The following LY9 variants were observed in gnomAD, a reference collection of about 807,000 sequenced individuals.
LY9 encodes the protein lymphocyte antigen 9, also known as T-lymphocyte surface antigen Ly-9.
In LY9, 59 loss-of-function variants were observed where a neutral mutation model predicts 64.6. The observed-to-expected ratio is 0.91, with a 90% confidence interval of 0.74 to 1.13. The LOEUF is 1.13. LY9 is among the 50% of genes most tolerant of loss of function. The pLI, the probability that LY9 is intolerant of heterozygous loss-of-function variation, is 0.00. For missense variants in LY9, 789 were observed against 797.2 expected, an observed-to-expected ratio of 0.99 and a Z score of 0.12; for synonymous variants, 281 against 308.5, an observed-to-expected ratio of 0.91 and a Z score of 0.93.
At position 160,813,907 on chromosome 1, in the gene LY9, T is replaced by C; in HGVS notation, c.726T>C (p.Cys242=). 1 of 1,612,292 alleles carries C rather than the reference T, an allele frequency of 6.2e-7. No homozygotes were observed. The highest frequency in any genetic ancestry group is 8.5e-7 in the Non-Finnish European group (1 of 1,179,060). The change falls in exon 3 of 10, where the codon TGT becomes TGC. Residue 242 remains cysteine, a synonymous_variant. Coordinates refer to ENST00000263285, the MANE Select transcript of LY9 (RefSeq NM_002348.4). ...TCCCTGTCCATGTTGGGCAGTTCTG[T>C]ACAGGTAACTGGCTCCAACTTGGCC... ...SSLPVHVGQF[C]TDPGASRGGT... is the part of the protein sequence containing the mutation.
At chr1:160,796,422 C>G in intron 1 of LY9, 111 bp downstream of exon 1, 1 of 1,319,012 alleles carries the variant, frequency 7.6e-7, no homozygotes, top group Non-Finnish European at 1.0e-6. Context: ...TTAACGGAGT[C>G]TCACTCTGTT....
chr1:160,802,114 A>G (rs1666553646), intron 2 of LY9: 1 of 1,372,468 alleles, frequency 7.3e-7, no homozygotes, highest in Non-Finnish European at 9.4e-7. Context: ...CGGAGCCGCC[A>G]ACTTGGAGAC....
chr1:160,801,774 T>C, intron 2 of LY9: 1 of 1,586,910 alleles, frequency 6.3e-7, no homozygotes. Context: ...TGCATGTGAC[T>C]ATTCAATTTT....
At chr1:160,824,490 A>T in intron 9 of LY9, 15 of 985,194 alleles carry the variant, frequency 1.5e-5, no homozygotes, top group Non-Finnish European at 1.8e-5. Flanking sequence ...GTTATTTTTA[A>T]CACTGACCTG....
chr1:160,822,240 T>C (rs1557817308), intron 7 of LY9, among the ~76,000 whole-genome samples: 1 of 151,276 alleles, frequency 6.6e-6, no homozygotes, highest in Non-Finnish European at 1.5e-5. Flanking sequence ...GGAAGGGGTC[T>C]CAGAGGGGTG....
At chr1:160,796,423 T>A in intron 1 of LY9, 112 bp downstream of exon 1, 1 of 1,312,242 alleles carries the variant, frequency 7.6e-7, no homozygotes, top group Non-Finnish European at 1.0e-6. Flanking sequence ...TAACGGAGTC[T>A]CACTCTGTTG....
intron 1 of LY9, among the ~76,000 whole-genome samples, chr1:160,798,068 C>G (rs1056858888): frequency 6.6e-6 from 1 of 152,114 alleles, no homozygotes; most frequent in Non-Finnish European, 1.5e-5. Flanking sequence ...TACTGGGGAC[C>G]TGTCATTGTA....
rs751324638 is a variant in LY9, at chr1:160,814,566, A to T, written c.877A>T (p.Arg293Trp). 5 of 1,614,084 alleles carry T rather than the reference A, an allele frequency of 3.1e-6. No homozygotes were observed. Among genetic ancestry groups the T allele is most frequent in the Middle Eastern group, 1.6e-4 (1 of 6,062 alleles). ...TAACACATCCATCATTAGCAAAGAG[A>T]GGGAAGAAGCAGCAACGGCAGATCC... ...LFNTSIISKEREEAATADPLI... is the reference protein window; with the variant it reads ...LFNTSIISKEWEEAATADPLI... Residue 293 changes from arginine (R) to tryptophan (W), a missense_variant, in exon 4 of 10, where the codon AGG (arginine) becomes TGG (tryptophan). Physicochemically the swap from Arg to Trp is moderately radical, Grantham distance 101. Transcript: ENST00000263285.
chr1:160,803,241 C>T (rs1666674539), intron 2 of LY9, among the ~76,000 whole-genome samples: 1 of 151,966 alleles, frequency 6.6e-6, no homozygotes, highest in Admixed American at 6.5e-5. Context: ...AAGATCACGC[C>T]ACTGAATGCC....
At chr1:160,824,347 GATCTTAA>G (rs1363099720) in intron 9 of LY9, 98 bp downstream of exon 9, 1 of 1,558,510 alleles carries the variant, frequency 6.4e-7, no homozygotes, top group Non-Finnish European at 8.7e-7. Context: ...CATGGCTAAG[GATCTTAA>G]ATTCTACCCA....
rs776247637 is a variant in LY9, at chr1:160,816,626, C to T, written c.1105C>T (p.Leu369Phe). 148 of 1,611,822 alleles carry T rather than the reference C, an allele frequency of 9.2e-5. No homozygotes were observed. Among genetic ancestry groups the T allele is most frequent in the Non-Finnish European group, 1.2e-4 (140 of 1,178,984 alleles). ...RLRKPKITWS[L>F]RHSEDGICRI... ...GAGGAAGCCCAAAATCACGTGGAGC[C>T]TCAGGCACAGTGAGGATGGCATCTG... The change falls in exon 5 of 10, where the codon CTC (leucine) becomes TTC (phenylalanine). Residue 369 changes from leucine (L) to phenylalanine (F), a missense_variant. Transcript: ENST00000263285.
At position 160,796,249 on chromosome 1, in the gene LY9, A is replaced by T; in HGVS notation, c.62A>T (p.Gln21Leu). The part of the protein sequence containing the change: ...WAPGPFSSKP[Q>L]RSQLQIFSSV... Reference sequence around the variant, plus strand: ...CCTGGGCCTTTCTCCAGTAAGCCACAGAGGAGTCAGCTGCAAATATTCTCT... The same window carrying T: ...CCTGGGCCTTTCTCCAGTAAGCCACTGAGGAGTCAGCTGCAAATATTCTCT... Residue 21 changes from glutamine to leucine, a missense_variant, in exon 1 of 10, where the codon CAG becomes CTG. By Grantham distance (113) the Gln-to-Leu change is moderately radical (BLOSUM62 -2). Coordinates refer to ENST00000263285, the MANE Select transcript of LY9 (RefSeq NM_002348.4). 1 of 1,614,076 alleles carries T rather than the reference A, an allele frequency of 6.2e-7. No homozygotes were observed. Among genetic ancestry groups the T allele is most frequent in the Non-Finnish European group, 8.5e-7 (1 of 1,179,996 alleles).
At chr1:160,811,323 G>T (rs1667457478) in intron 2 of LY9, 1 of 152,244 alleles carries the variant, frequency 6.6e-6, no homozygotes, top group African/African-American at 2.4e-5. Context: ...GTCCAGACTG[G>T]CAGCATTTCT....
At chr1:160,824,449 T>C (rs746983364) in intron 9 of LY9, 200 bp downstream of exon 9, 1 of 985,264 alleles carries the variant, frequency 1.0e-6, no homozygotes, top group South Asian at 4.7e-5. Context: ...AGGCTGAACA[T>C]TTCTAATTGA....
chr1:160,817,577 C>A (rs144286691), intron 5 of LY9, among the ~76,000 whole-genome samples: 1 of 152,176 alleles, frequency 6.6e-6, no homozygotes, highest in Non-Finnish European at 1.5e-5. Context: ...GCCCCAGTGG[C>A]CCTTAATAAA....
At chr1:160,824,538 A>G (rs1668738199) in intron 9 of LY9, 1 of 985,158 alleles carries the variant, frequency 1.0e-6, no homozygotes, top group Non-Finnish European at 1.2e-6. Flanking sequence ...TAGGGTCTTT[A>G]TAGCTTTTTA....
At chr1:160,809,741 G>A (rs1256343156) in intron 2 of LY9, 1 of 152,174 alleles carries the variant, frequency 6.6e-6, no homozygotes, top group Non-Finnish European at 1.5e-5. Flanking sequence ...CAATGTTTGA[G>A]AGACACCATT....
chr1:160,801,146 G>A (rs576379697), intron 2 of LY9, among the ~76,000 whole-genome samples: 1 of 152,040 alleles, frequency 6.6e-6, no homozygotes, highest in Non-Finnish European at 1.5e-5. Context: ...TCTTCATATT[G>A]TTTTGCATAG....
chr1:160,823,604 T>A lies in LY9; in HGVS notation c.1638T>A (p.Asp546Glu), dbSNP rs1488708694. Residue 546 changes from aspartate (D) to glutamate (E), a missense_variant, in exon 8 of 10, where the codon GAT becomes GAA. Coordinates refer to ENST00000263285, the MANE Select transcript of LY9 (RefSeq NM_002348.4). ...ACAGCAACCTCACAACTGAGGAGGA[T>A]GAGGACAGGCCTGAGGTGCACAAGC... ...SSDSNLTTEE[D>E]EDRPEVHKPI... 6.2e-7 allele frequency: 1 copy of A among 1,614,152 alleles called. No individual in the cohort carries two copies. The highest frequency in any genetic ancestry group is 1.1e-5 in the South Asian group (1 of 91,070).
Sources: allele counts gnomAD v4.1 joint callset (sites outside exome capture counted in the v4.1 genomes callset), GRCh38; gene constraint gnomAD v4.1.1; transcripts MANE v1.5; gene names NCBI Gene and HGNC (gene_info 2026-07-23, HGNC 2026-07-21).